Variants in GABBR2 observed in about 807,000 individuals in gnomAD.
GABBR2 encodes the protein G-protein coupled receptor 51.
GABBR2 carries 23 observed loss-of-function variants against 105.6 expected under a neutral mutation model. The ratio of observed to expected loss-of-function variants is 0.22; its 90% CI spans 0.16 to 0.31. The LOEUF is 0.31. Among genes scored for constraint, GABBR2 ranks in the 10% least tolerant of loss-of-function variants. The pLI is 1.00. For synonymous variants in GABBR2, 478 were observed against 499.7 expected (o/e 0.96, Z 0.58); for missense variants, 734 against 1,245.5 (o/e 0.59, Z 6.18).
Position 98,541,972 on chromosome 9 carries a change from T to C in GABBR2, c.531A>G (p.Pro177=). The change falls in exon 3 of 19, where the codon CCA becomes CCG. Residue 177 remains proline, a synonymous_variant. Transcript: ENST00000259455. ...TGGCTGGATTCACCGCATTGTCTGATGGGACGGTCCGAAAGAAATAAGGGT... is the reference window on the plus strand; with the variant it reads ...TGGCTGGATTCACCGCATTGTCTGACGGGACGGTCCGAAAGAAATAAGGGT... ...KKYPYFFRTV[P]SDNAVNPAIL... is the part of the protein sequence containing the mutation. 2 of 1,614,166 alleles carry C rather than the reference T, an allele frequency of 1.2e-6. No individual in the cohort carries two copies. Among genetic ancestry groups the C allele is most frequent in the South Asian group, 1.1e-5 (1 of 91,084 alleles).
chr9:98,413,117 G>A (rs1420801023), intron 7 of GABBR2, among the ~76,000 whole-genome samples: 1 of 152,078 alleles, frequency 6.6e-6, no homozygotes, highest in African/African-American at 2.4e-5. Flanking sequence ...GCTCTCCTAA[G>A]GCCCCTACAA....
rs542394622 is a variant in GABBR2 at position 98,546,893 on chromosome 9, G to A, written c.460-4850C>T. 3.3e-3 allele frequency among the ~76,000 whole-genome samples: 402 copies of A among 120,020 alleles called. 68 individuals are homozygous for A. Among genetic ancestry groups the A allele is most frequent in the African/African-American group, 0.01 (376 of 37,524 alleles). The allele number at this position is 120,020 out of a possible 152,430, so 78.7% of individuals were successfully genotyped here. On this transcript the variant is annotated intron_variant, in intron 2 of 18. Transcript: ENST00000259455. Reference sequence around the variant, plus strand: ...TTAATCTTGCCTCAGGTCTCAGCCCGCTGGAGTACTTTTTAATAGGTACCT... The same window carrying A: ...TTAATCTTGCCTCAGGTCTCAGCCCACTGGAGTACTTTTTAATAGGTACCT...
intron 3 of GABBR2, among the ~76,000 whole-genome samples, chr9:98,516,981 TGA>T (rs1253658275): frequency 6.6e-6 from 1 of 152,238 alleles, no homozygotes; most frequent in Non-Finnish European, 1.5e-5. Flanking sequence ...CGACCAGATT[TGA>T]GAGACACCCT....
chr9:98,483,649 G>GC (rs1178825455), intron 4 of GABBR2, among the ~76,000 whole-genome samples: 6 of 151,754 alleles, frequency 4.0e-5, no homozygotes, highest in South Asian at 2.1e-4. Context: ...TTCCCACTTC[G>GC]CCCCCCACCC....
chr9:98,391,510 C>T (rs998860388), intron 9 of GABBR2, among the ~76,000 whole-genome samples: 7 of 152,120 alleles, frequency 4.6e-5, no homozygotes, highest in Non-Finnish European at 7.4e-5. Flanking sequence ...GGCCTGAGAG[C>T]GAGCAGGGAG....
intron 1 of GABBR2, among the ~76,000 whole-genome samples, chr9:98,656,366 C>T (rs1312943861): frequency 6.6e-6 from 1 of 152,024 alleles, no homozygotes; most frequent in Non-Finnish European, 1.5e-5. Flanking sequence ...GAAGGTGCTG[C>T]AGTCACATCT....
chr9:98,428,869 C>G lies in GABBR2; in HGVS notation c.1237-22728G>C, dbSNP rs1333547092. ...AGAAAGCAGACCCAGAGATGGAGAG[C>G]TGGAGAAACCTCATCCTAGACTTTA... On this transcript the variant is annotated intron_variant, in intron 7 of 18. Coordinates refer to ENST00000259455, the MANE Select transcript of GABBR2 (RefSeq NM_005458.8). 2.6e-5 allele frequency among the ~76,000 whole-genome samples: 4 copies of G among 152,176 alleles called. No individual in the cohort carries two copies. In the East Asian group the frequency reaches 7.7e-4, roughly 29 times the overall value.
At chr9:98,371,779 C>A (rs1273765841) in intron 11 of GABBR2, among the ~76,000 whole-genome samples, 1 of 152,230 alleles carries the variant, frequency 6.6e-6, no homozygotes, top group Non-Finnish European at 1.5e-5. Flanking sequence ...GGTCACTAGG[C>A]ACACAGGAGT....
intron 1 of GABBR2, among the ~76,000 whole-genome samples, chr9:98,641,828 G>A (rs1207477214): frequency 6.6e-6 from 1 of 152,154 alleles, no homozygotes; most frequent in African/African-American, 2.4e-5. Context: ...GCCCTGGCCA[G>A]GTAAGTGTTT....
At chr9:98,452,857 G>T (rs1826256068) in intron 7 of GABBR2, among the ~76,000 whole-genome samples, 1 of 152,146 alleles carries the variant, frequency 6.6e-6, no homozygotes, top group Non-Finnish European at 1.5e-5. Flanking sequence ...TAGCTTACAA[G>T]GTAAGTATGA....
chr9:98,421,615 A>C (rs1832783790), intron 7 of GABBR2, among the ~76,000 whole-genome samples: 1 of 152,208 alleles, frequency 6.6e-6, no homozygotes, highest in African/African-American at 2.4e-5. Flanking sequence ...CCGTGAAAAA[A>C]TTACTGAGTC....
chr9:98,500,120 A>T (rs1827370735), intron 3 of GABBR2, among the ~76,000 whole-genome samples: 1 of 152,240 alleles, frequency 6.6e-6, no homozygotes, highest in Non-Finnish European at 1.5e-5. Flanking sequence ...GCCATTAACT[A>T]CATTTCTGCA....
At chr9:98,623,925 T>C (rs903786946) in intron 1 of GABBR2, among the ~76,000 whole-genome samples, 2 of 152,164 alleles carry the variant, frequency 1.3e-5, no homozygotes, top group African/African-American at 4.8e-5. Flanking sequence ...CATATCCATT[T>C]TTCAGATGGG....
chr9:98,385,597 A>G (rs1249621987), intron 11 of GABBR2, 43 bp downstream of exon 11: 4 of 1,572,436 alleles, frequency 2.5e-6, no homozygotes, highest in Non-Finnish European at 3.5e-6. Flanking sequence ...GTCACCAAGG[A>G]AACTTTCTAT....
At chr9:98,515,518 G>C (rs1226944935) in intron 3 of GABBR2, among the ~76,000 whole-genome samples, 1 of 152,120 alleles carries the variant, frequency 6.6e-6, no homozygotes, top group African/African-American at 2.4e-5. Context: ...TAAGCCCCTA[G>C]CATTTGCAAA....
intron 2 of GABBR2, among the ~76,000 whole-genome samples, chr9:98,565,072 G>A (rs558423959): frequency 1.3e-5 from 2 of 152,276 alleles, no homozygotes; most frequent in East Asian, 3.9e-4. Flanking sequence ...GAGGGGAAAG[G>A]ACCAGACGGG....
At chr9:98,444,505 G>C (rs575055407) in intron 7 of GABBR2, among the ~76,000 whole-genome samples, 1 of 152,190 alleles carries the variant, frequency 6.6e-6, no homozygotes, top group East Asian at 1.9e-4. Context: ...CTGGGATACA[G>C]TAGGAGCTCG....
chr9:98,617,824 A>T (rs1829609506), intron 1 of GABBR2, among the ~76,000 whole-genome samples: 1 of 152,208 alleles, frequency 6.6e-6, no homozygotes, highest in Non-Finnish European at 1.5e-5. Context: ...ACAGGCAGTG[A>T]TGGAAGAATC....
chr9:98,673,642 C>G (rs943883648), intron 1 of GABBR2, among the ~76,000 whole-genome samples: 7 of 150,076 alleles, frequency 4.7e-5, no homozygotes, highest in African/African-American at 1.7e-4. Flanking sequence ...TGGCCAATAT[C>G]TAAAAGAAAA....
Sources: gnomAD v4.1 joint callset for allele counts (sites outside exome capture counted in the v4.1 genomes callset) on GRCh38, gnomAD v4.1.1 for gene constraint, MANE v1.5 for transcripts, NCBI Gene and HGNC (gene_info 2026-07-23, HGNC 2026-07-21) for gene names.